Variants in KIAA1217 observed in about 807,000 individuals in gnomAD.
KIAA1217 encodes the protein KIAA1217.
KIAA1217 carries 88 observed loss-of-function variants against 163.9 expected under a neutral mutation model. The ratio of observed to expected loss-of-function variants is 0.54; its 90% CI spans 0.45 to 0.64. KIAA1217 has a LOEUF of 0.64. Ranked by LOEUF, KIAA1217 falls within the 30% of genes least tolerant of loss-of-function variation. The pLI is 0.00. For synonymous variants in KIAA1217, 903 were observed against 923.1 expected, an observed-to-expected ratio of 0.98 and a Z score of 0.39; for missense variants, 2,372 against 2,475.0, an observed-to-expected ratio of 0.96 and a Z score of 0.88.
intron 1 of KIAA1217, among the ~76,000 whole-genome samples, chr10:23,945,249 G>A (rs1031030172): frequency 1.3e-5 from 2 of 151,956 alleles, no homozygotes; most frequent in Non-Finnish European, 2.9e-5. Context: ...AGTGGGAGAG[G>A]ATAAACAAAC....
chr10:24,260,228 A>G (rs1050175731), intron 2 of KIAA1217, among the ~76,000 whole-genome samples: 3 of 152,154 alleles, frequency 2.0e-5, no homozygotes, highest in Non-Finnish European at 2.9e-5. Flanking sequence ...AGCTCTTTGA[A>G]GGATGAGGAA....
chr10:23,712,829 T>A (rs1363830881), intron 1 of KIAA1217, among the ~76,000 whole-genome samples: 1 of 152,130 alleles, frequency 6.6e-6, no homozygotes, highest in Non-Finnish European at 1.5e-5. Flanking sequence ...ATAGAATAAA[T>A]TTACTATGCC....
chr10:24,483,090 C>T (rs762736535), intron 6 of KIAA1217: 1 of 152,000 alleles, frequency 6.6e-6, no homozygotes, highest in African/African-American at 2.4e-5. Flanking sequence ...AATACTTCCT[C>T]TGTCTCCTTG....
intron 1 of KIAA1217, among the ~76,000 whole-genome samples, chr10:23,899,988 C>T (rs1841886870): frequency 6.6e-6 from 1 of 150,800 alleles, no homozygotes; most frequent in East Asian, 2.0e-4. Context: ...TCCTCTCTCC[C>T]TCCTTCCCTT....
chr10:23,913,038 G>A (rs1419609170), intron 1 of KIAA1217, among the ~76,000 whole-genome samples: 1 of 152,142 alleles, frequency 6.6e-6, no homozygotes, highest in African/African-American at 2.4e-5. Flanking sequence ...TCTCTAGCAG[G>A]AGGAAAACCA....
intron 3 of KIAA1217, among the ~76,000 whole-genome samples, chr10:24,413,189 T>TAGTTAATTCTTTTTGA (rs1293948612): frequency 6.6e-6 from 1 of 152,182 alleles, no homozygotes; most frequent in East Asian, 1.9e-4. Flanking sequence ...TTGTCCCTTG[T>TAGTTAATTCTTTTTGA]AGTTAATTCT....
intron 17 of KIAA1217, among the ~76,000 whole-genome samples, chr10:24,538,612 AG>A (rs1405026871): frequency 0.027 from 1,685 of 61,552 alleles, 22 homozygotes; most frequent in South Asian, 0.053. Context: ...AAGGAAAAAG[AG>A]AGGAAGGAAA....
intron 3 of KIAA1217, among the ~76,000 whole-genome samples, chr10:24,421,013 G>A (rs75654798): frequency 6.6e-6 from 1 of 150,402 alleles, no homozygotes; most frequent in East Asian, 1.9e-4. Flanking sequence ...TTGTTTGTTT[G>A]TTTTGTTTTG....
chr10:24,141,228 C>G lies in KIAA1217; in HGVS notation c.-170-78398C>G, dbSNP rs115456934. 1.6e-4 allele frequency among the ~76,000 whole-genome samples: 19 copies of G among 116,306 alleles called. 1 individual carries two copies. The highest frequency in any genetic ancestry group is 4.8e-3 in the Middle Eastern group (1 of 210). 76.3% of individuals were successfully genotyped at this position (116,306 alleles called of 152,430 possible). A position where few individuals can be genotyped will look rare whatever the true frequency, so the allele number is the denominator to read the frequency against. Reference sequence around the variant, plus strand: ...TTAATGCTCAGAGAAAGAATAAACCCCCCCCCCCCATTTCTCTCTTCTTTC... The same window carrying G: ...TTAATGCTCAGAGAAAGAATAAACCGCCCCCCCCCATTTCTCTCTTCTTTC... On this transcript the variant is annotated intron_variant, in intron 2 of 18. Coordinates refer to the KIAA1217 transcript ENST00000376462.
intron 2 of KIAA1217, chr10:24,275,921 T>G (rs1397683174): frequency 4.8e-6 from 2 of 416,828 alleles, no homozygotes; most frequent in Non-Finnish European, 9.6e-6. Flanking sequence ...CTTTTTAAAC[T>G]GTCTTTCCAT....
chr10:24,069,606 T>C (rs1357660804), intron 2 of KIAA1217, among the ~76,000 whole-genome samples: 1 of 152,196 alleles, frequency 6.6e-6, no homozygotes, highest in Non-Finnish European at 1.5e-5. Flanking sequence ...GTAGGGGTTA[T>C]AGAAGAGGTT....
chr10:24,441,588 C>A (rs1049155395), intron 5 of KIAA1217, among the ~76,000 whole-genome samples: 2 of 152,094 alleles, frequency 1.3e-5, no homozygotes, highest in Non-Finnish European at 2.9e-5. Flanking sequence ...TAGCATCTAG[C>A]TGAGCATTTT....
chr10:23,999,683 T>C (rs1290437161), intron 1 of KIAA1217, among the ~76,000 whole-genome samples: 1 of 152,152 alleles, frequency 6.6e-6, no homozygotes, highest in East Asian at 1.9e-4. Flanking sequence ...GAGTTTTGAA[T>C]GGTGGACTCT....
At chr10:24,074,511 A>G (rs965251201) in intron 2 of KIAA1217, among the ~76,000 whole-genome samples, 5 of 152,174 alleles carry the variant, frequency 3.3e-5, no homozygotes, top group African/African-American at 1.2e-4. Context: ...CTCCTTAAGA[A>G]TGTGTCAGTA....
At chr10:24,359,112 T>C (rs1457735249) in intron 2 of KIAA1217, among the ~76,000 whole-genome samples, 1 of 141,160 alleles carries the variant, frequency 7.1e-6, no homozygotes, top group Non-Finnish European at 1.5e-5. Flanking sequence ...TTTTTTGAGA[T>C]AGAGTCTCAC....
At chr10:24,230,443 G>A (rs2071215770) in intron 2 of KIAA1217, among the ~76,000 whole-genome samples, 1 of 151,062 alleles carries the variant, frequency 6.6e-6, no homozygotes, top group Admixed American at 6.6e-5. Context: ...GGGATGCCGA[G>A]CCTGTAGTGT....
rs186253318 is a variant in KIAA1217 at position 24,221,881 on chromosome 10, A to T, written c.354+1972A>T. ...AGACCCCATCTCAACAAAAAAATTT[A>T]AAAAAATTAACTGGGTGTGGTGGCA... On this transcript the variant is annotated intron_variant, in intron 2 of 20. Transcript: ENST00000376454. 8.2e-3 allele frequency among the ~76,000 whole-genome samples: 1,255 copies of T among 152,242 alleles called. 15 individuals are homozygous for T. Among genetic ancestry groups the T allele is most frequent in the African/African-American group, 0.029 (1,203 of 41,524 alleles).
intron 1 of KIAA1217, among the ~76,000 whole-genome samples, chr10:23,770,398 A>C (rs535317856): frequency 1.3e-5 from 2 of 152,166 alleles, no homozygotes; most frequent in Non-Finnish European, 2.9e-5. Context: ...CATGTTGTCT[A>C]TGATTGCTTA....
intron 1 of KIAA1217, among the ~76,000 whole-genome samples, chr10:23,894,299 A>G (rs1841573506): frequency 6.6e-6 from 1 of 152,014 alleles, no homozygotes; most frequent in Admixed American, 6.6e-5. Flanking sequence ...AAGTCTCAGG[A>G]TACAAAATCA....
Sources: allele counts gnomAD v4.1 joint callset (sites outside exome capture counted in the v4.1 genomes callset), GRCh38; gene constraint gnomAD v4.1.1; transcripts MANE v1.5; gene names NCBI Gene and HGNC (gene_info 2026-07-23, HGNC 2026-07-21).